The following TGIF1 variants were observed in gnomAD, a reference collection of about 807,000 sequenced individuals.
TGIF1 encodes TGFB induced factor homeobox 1.
Under a neutral mutation model 19.3 loss-of-function variants are expected in TGIF1, and 4 were observed. That is an observed-to-expected ratio of 0.21 (90% CI 0.10 to 0.47). The LOEUF is 0.47. Among genes scored for constraint, TGIF1 ranks in the 20% least tolerant of loss-of-function variants. TGIF1 has a pLI of 0.98. For missense variants in TGIF1, 275 were observed against 341.4 expected, an observed-to-expected ratio of 0.81 and a Z score of 1.53; for synonymous variants, 122 against 129.3, an observed-to-expected ratio of 0.94 and a Z score of 0.38.
chr18:3,415,420 G>T (rs146480177), intron 1 of TGIF1: 2 of 495,248 alleles, frequency 4.0e-6, no homozygotes, highest in Non-Finnish European at 8.1e-6. Context: ...AGTAGACAGG[G>T]TTATTTCTCA....
chr18:3,415,601 T>C, intron 1 of TGIF1: 1 of 204,558 alleles, frequency 4.9e-6, no homozygotes, highest in Non-Finnish European at 1.1e-5. Context: ...GCCCAACGCC[T>C]TTTGAAAGCT....
At chr18:3,448,520 C>T (rs1438189475), upstream of TGIF1, 2 of 989,266 alleles carry the variant, frequency 2.0e-6, no homozygotes, top group Non-Finnish European at 2.4e-6. Context: ...CAGGACCGCG[C>T]TCCCCCCGAG....
intron 1 of TGIF1, among the ~76,000 whole-genome samples, chr18:3,412,606 C>G (rs951549221): frequency 7.2e-5 from 11 of 152,324 alleles, no homozygotes; most frequent in Admixed American, 2.6e-4. Flanking sequence ...CTTGCTGCAT[C>G]CTATCTCCTG....
rs1055380901 is a variant in TGIF1, at chr18:3,423,429, C to T, written c.-45+5214C>T. ...GCGCAGTGGCTCACGCTTGTAATCC[C>T]AGCACTTTGGGAGGCCAGGGCGGGC... On this transcript the variant is annotated intron_variant, in intron 2 of 3. Coordinates refer to the TGIF1 transcript ENST00000401449. Among the ~76,000 whole-genome samples the T allele has an allele frequency of 7.2e-5, 11 of 152,130 alleles. No individual in the cohort carries two copies. The East Asian group carries it at 1.9e-3, about 27-fold the overall frequency.
intron 2 of TGIF1, among the ~76,000 whole-genome samples, chr18:3,432,799 T>G (rs10853300): frequency 0.51 from 77,760 of 151,512 alleles, 21,490 homozygotes; most frequent in East Asian, 0.91. Flanking sequence ...CACACTTGTT[T>G]CCCAGGCTGG....
rs777442197 is a variant in TGIF1 at position 3,450,487 on chromosome 18, A to G, written c.-3A>G. Reference sequence around the variant, plus strand: ...TGCCTCGCGCTGGGAGGGGAGATCCAGAATGAAAGGCAAGAAAGGTAAGGC... The same window carrying G: ...TGCCTCGCGCTGGGAGGGGAGATCCGGAATGAAAGGCAAGAAAGGTAAGGC... On this transcript the variant is annotated 5_prime_UTR_variant, in exon 1 of 3. Transcript: ENST00000343820. The G allele has an allele frequency of 1.9e-6, 3 of 1,561,924 alleles. No homozygotes were observed. The highest frequency in any genetic ancestry group is 2.6e-6 in the Non-Finnish European group (3 of 1,153,294).
intron 2 of TGIF1, among the ~76,000 whole-genome samples, chr18:3,421,975 CTT>C: frequency 3.3e-5 from 5 of 151,968 alleles, no homozygotes; most frequent in South Asian, 2.1e-4. Flanking sequence ...GAGCAGATCA[CTT>C]GAGGTCAGGA....
intron 2 of TGIF1, among the ~76,000 whole-genome samples, chr18:3,422,339 ATAGAATATGGACATGAAGAAC>A (rs2082411242): frequency 6.7e-6 from 1 of 150,230 alleles, no homozygotes; most frequent in South Asian, 2.1e-4. Context: ...GAAAAAGCTT[ATAGAATATGGACATGAAGAAC>A]GAATACATTT....
chr18:3,442,519 C>G (rs1180512815), intron 2 of TGIF1, among the ~76,000 whole-genome samples: 1 of 151,630 alleles, frequency 6.6e-6, no homozygotes, highest in Non-Finnish European at 1.5e-5. Context: ...AATAGGCTGT[C>G]CCTTACTTAT....
upstream of TGIF1, chr18:3,448,207 G>A (rs1432560393): frequency 2.0e-6 from 2 of 985,250 alleles, no homozygotes; most frequent in Non-Finnish European, 2.4e-6. Flanking sequence ...TTCCAGACGA[G>A]GCTCCTGCCA....
chr18:3,437,383 C>A (rs2082627511), intron 2 of TGIF1, among the ~76,000 whole-genome samples: 1 of 152,050 alleles, frequency 6.6e-6, no homozygotes, highest in Non-Finnish European at 1.5e-5. Flanking sequence ...TAAGGATTTC[C>A]TAGCAGTAAA....
upstream of TGIF1, among the ~76,000 whole-genome samples, chr18:3,445,763 A>AAC (rs2082736113): frequency 1.2e-5 from 1 of 80,732 alleles, no homozygotes; most frequent in South Asian, 4.5e-4. Flanking sequence ...AGAGAAGAAA[A>AAC]GCAAAAAAAA....
At chr18:3,429,731 C>T (rs1372066793) in intron 2 of TGIF1, among the ~76,000 whole-genome samples, 1 of 152,150 alleles carries the variant, frequency 6.6e-6, no homozygotes. Context: ...CAAGATAGGG[C>T]AATGCATTTT....
chr18:3,426,449 A>G lies in TGIF1; in HGVS notation c.-45+8234A>G, dbSNP rs144238713. 6.9e-3 allele frequency among the ~76,000 whole-genome samples: 1,055 copies of G among 152,132 alleles called. 7 individuals are homozygous for G. The highest frequency in any genetic ancestry group is 0.011 in the Non-Finnish European group (761 of 67,970). On this transcript the variant is annotated intron_variant, in intron 2 of 3. Coordinates refer to the TGIF1 transcript ENST00000401449. ...CTCCCAAAGTGCTGGCATTACAGGCATGAGTCACTGCCCCTGGCCCAGCTA... is the reference window on the plus strand; with the variant it reads ...CTCCCAAAGTGCTGGCATTACAGGCGTGAGTCACTGCCCCTGGCCCAGCTA...
Position 3,456,757 on chromosome 18 carries a change from C to T in TGIF1, c.243+177C>T, listed in dbSNP as rs1370350841. On this transcript the variant is annotated intron_variant, in intron 2 of 2. Coordinates refer to ENST00000343820, the MANE Select transcript of TGIF1 (RefSeq NM_003244.4). The surrounding 1 kb of genome is among the most constrained non-coding windows in gnomAD (Gnocchi z 4.2). ...ACTAGCTATTTAGAGAACACAGAAA[C>T]ACTTGACAGTCATCTATCAGATAGC... 2 of 708,730 alleles carry T rather than the reference C, an allele frequency of 2.8e-6. No individual in the cohort carries two copies. Among genetic ancestry groups the T allele is most frequent in the South Asian group, 3.0e-5 (2 of 66,556 alleles). 43.9% of individuals were successfully genotyped at this position (708,730 alleles called of 1,614,324 possible).
At chr18:3,447,618 C>CT, upstream of TGIF1, 1 of 1,106,318 alleles carries the variant, frequency 9.0e-7, no homozygotes, top group African/African-American at 1.5e-5. Context: ...TCAGCGTTGG[C>CT]TGGGGGGAGG....
intron 1 of TGIF1, among the ~76,000 whole-genome samples, chr18:3,416,759 C>T (rs1414012442): frequency 6.6e-6 from 1 of 151,922 alleles, no homozygotes; most frequent in Admixed American, 6.6e-5. Context: ...TGGTGAATCC[C>T]CATCTCTACT....
intron 2 of TGIF1, among the ~76,000 whole-genome samples, chr18:3,425,708 A>G (rs2082458422): frequency 6.6e-6 from 1 of 151,950 alleles, no homozygotes; most frequent in African/African-American, 2.4e-5. Flanking sequence ...CTGCCTACCA[A>G]ACTATCCTTG....
At chr18:3,446,634 C>G (rs189961154), upstream of TGIF1, among the ~76,000 whole-genome samples, 14 of 152,272 alleles carry the variant, frequency 9.2e-5, no homozygotes, top group Admixed American at 9.2e-4. Context: ...TTACACTATT[C>G]ATGCAAGGAA....
Sources: gnomAD v4.1 joint callset for allele counts (sites outside exome capture counted in the v4.1 genomes callset) on GRCh38, gnomAD v4.1.1 for gene constraint, Gnocchi (gnomAD v3.1) non-coding constraint, MANE v1.5 for transcripts, NCBI Gene and HGNC (gene_info 2026-07-23, HGNC 2026-07-21) for gene names.